The following ZNF568 variants were observed in gnomAD, a reference collection of about 807,000 sequenced individuals.
ZNF568 encodes p53 inhibitor of SCO2 activation.
In ZNF568, 11 loss-of-function variants were observed where a neutral mutation model predicts 18.1. That is an observed-to-expected ratio of 0.61 (90% CI 0.38 to 1.00). ZNF568 has a LOEUF of 1.00. ZNF568 is among the 50% of genes least tolerant of loss of function. ZNF568 has a pLI of 0.01. For synonymous variants in ZNF568, 213 were observed against 246.6 expected (o/e 0.86, Z 1.28); for missense variants, 639 against 768.2 (o/e 0.83, Z 1.99).
rs1347835286 is a variant in ZNF568, at chr19:36,975,787, C to A, written c.405+1321C>A. Among the ~76,000 whole-genome samples the A allele has an allele frequency of 3.5e-5, 5 of 144,110 alleles. 1 individual carries two copies. The South Asian group carries it at 6.6e-4, about 19-fold the overall frequency. The allele number at this position is 144,110 out of a possible 152,430, so 94.5% of individuals were successfully genotyped here. A position where few individuals can be genotyped will look rare whatever the true frequency, so the allele number is the denominator to read the frequency against. On this transcript the variant is annotated intron_variant, in intron 7 of 7. Coordinates refer to the ZNF568 transcript ENST00000427117. ...CTGAGCTCGCTGCAACCTCTGCCTC[C>A]CTGGTTCAAGCAATTCTTCTGCCTC...
downstream of ZNF568, among the ~76,000 whole-genome samples, chr19:36,957,466 A>AGGG (rs2074116774): frequency 6.6e-6 from 1 of 152,098 alleles, no homozygotes; most frequent in Non-Finnish European, 1.5e-5. Context: ...TCCTGACCTC[A>AGGG]GGTGATCCGC....
intron 6 of ZNF568, among the ~76,000 whole-genome samples, chr19:36,965,165 A>G (rs1195152239): frequency 1.3e-5 from 2 of 152,292 alleles, no homozygotes; most frequent in East Asian, 3.9e-4. Context: ...TGCCATTATA[A>G]CAGTATTAAG....
chr19:36,928,470 G>A (rs539687361), intron 4 of ZNF568, among the ~76,000 whole-genome samples: 1 of 152,258 alleles, frequency 6.6e-6, no homozygotes, highest in South Asian at 2.1e-4. Flanking sequence ...CTAGTACCAT[G>A]TTTACTTGTA....
Position 36,923,727 on chromosome 19 carries a change from C to G in ZNF568, c.76+881C>G, listed in dbSNP as rs149345290. ...AGAAAACATCAGGTGGTTTTAACATCTTTTTATGACATCTTACATTCGGTT... is the reference window on the plus strand; with the variant it reads ...AGAAAACATCAGGTGGTTTTAACATGTTTTTATGACATCTTACATTCGGTT... On this transcript the variant is annotated intron_variant, in intron 3 of 6. Transcript: ENST00000333987. Among the ~76,000 whole-genome samples the G allele has an allele frequency of 6.2e-3, 949 of 151,940 alleles. 28 individuals are homozygous for G. The highest frequency in any genetic ancestry group is 0.05 in the East Asian group (257 of 5,176).
At chr19:36,959,355 G>A (rs1256804059) in intron 6 of ZNF568, among the ~76,000 whole-genome samples, 2 of 152,076 alleles carry the variant, frequency 1.3e-5, no homozygotes, top group Non-Finnish European at 2.9e-5. Context: ...CATCCCTGGT[G>A]CAAATCTCAC....
chr19:36,925,407 T>A (rs1195047520), intron 4 of ZNF568, 149 bp downstream of exon 4: 1 of 700,650 alleles, frequency 1.4e-6, no homozygotes, highest in South Asian at 1.9e-5. Context: ...CTGGGGAAAT[T>A]TGAGATATGG....
At chr19:36,927,856 G>C (rs866104006) in intron 4 of ZNF568, among the ~76,000 whole-genome samples, 1 of 31,308 alleles carries the variant, frequency 3.2e-5, no homozygotes, top group African/African-American at 1.9e-4. Flanking sequence ...GTGTGTGTGT[G>C]TGTGTATATA....
At chr19:36,984,189 G>T (rs560790733), downstream of ZNF568, among the ~76,000 whole-genome samples, 1 of 152,032 alleles carries the variant, frequency 6.6e-6, no homozygotes, top group Non-Finnish European at 1.5e-5. Context: ...ATGAGCCACC[G>T]CACCTGGCGA....
At chr19:36,930,149 A>T (rs2073660315) in intron 4 of ZNF568, among the ~76,000 whole-genome samples, 1 of 152,064 alleles carries the variant, frequency 6.6e-6, no homozygotes, top group South Asian at 2.1e-4. Context: ...ATACAGTCAA[A>T]AATTAAAGCA....
chr19:36,978,195 C>T (rs1367842595), intron 7 of ZNF568, among the ~76,000 whole-genome samples: 2 of 152,218 alleles, frequency 1.3e-5, no homozygotes, highest in Non-Finnish European at 2.9e-5. Context: ...AACTCTTTCA[C>T]GTTCATTGCA....
chr19:36,965,704 C>CA (rs1160185126), intron 6 of ZNF568, among the ~76,000 whole-genome samples: 1 of 119,698 alleles, frequency 8.4e-6, no homozygotes, highest in African/African-American at 3.3e-5. Flanking sequence ...TGATCAAGGA[C>CA]TTTTTTTTTT....
chr19:36,960,269 C>A (rs747160508), intron 6 of ZNF568, among the ~76,000 whole-genome samples: 1 of 151,638 alleles, frequency 6.6e-6, no homozygotes, highest in Non-Finnish European at 1.5e-5. Context: ...AGGTGCTCAC[C>A]ACCATGCCCA....
chr19:36,985,515 GTT>G (rs747294738), intron 2 of ZNF568, among the ~76,000 whole-genome samples: 82 of 150,632 alleles, frequency 5.4e-4, no homozygotes, highest in African/African-American at 1.9e-3. Context: ...TTGTTTGTTT[GTT>G]TTGTTTTGTT....
In ZNF568 at chr19:36,949,674, G is replaced by C; in HGVS notation, c.521G>C (p.Ser174Thr). 3 of 1,613,784 alleles carry C rather than the reference G, an allele frequency of 1.9e-6. No individual in the cohort carries two copies. Among genetic ancestry groups the C allele is most frequent in the Non-Finnish European group, 2.5e-6 (3 of 1,179,844 alleles). The change falls in exon 7 of 7, where the codon AGC (serine) becomes ACC (threonine). Residue 174 changes from serine to threonine, a missense_variant. Coordinates refer to ENST00000333987, the MANE Select transcript of ZNF568 (RefSeq NM_198539.4). ...TCAGACATTGTTACTTCAAGACAAA[G>C]CTTCTATGACTGTGACTCACTTGAT... ...LSSDIVTSRQ[S>T]FYDCDSLDKG...
intron 6 of ZNF568, among the ~76,000 whole-genome samples, chr19:36,938,881 C>T (rs117627359): frequency 0.028 from 4,289 of 152,244 alleles, 77 homozygotes; most frequent in South Asian, 0.078. Flanking sequence ...TCAGTTTTTC[C>T]TTTCAGCTTG....
At chr19:36,983,732 A>G (rs1435072174), downstream of ZNF568, among the ~76,000 whole-genome samples, 1 of 152,080 alleles carries the variant, frequency 6.6e-6, no homozygotes, top group South Asian at 2.1e-4. Context: ...TCATTTATGC[A>G]TATGTGTATG....
intron 4 of ZNF568, among the ~76,000 whole-genome samples, chr19:36,933,329 G>A (rs2073720546): frequency 6.6e-6 from 1 of 151,738 alleles, no homozygotes; most frequent in African/African-American, 2.4e-5. Context: ...ATTATGATGT[G>A]GGGGTTTTGT....
At chr19:36,960,364 C>T (rs370118169) in intron 6 of ZNF568, among the ~76,000 whole-genome samples, 11 of 151,972 alleles carry the variant, frequency 7.2e-5, no homozygotes, top group East Asian at 1.9e-4. Flanking sequence ...GTGATCCACC[C>T]GCCTCGGCCT....
intron 6 of ZNF568, among the ~76,000 whole-genome samples, chr19:36,964,111 T>G (rs1023208803): frequency 1.3e-5 from 2 of 151,634 alleles, no homozygotes; most frequent in Non-Finnish European, 1.5e-5. Context: ...TGTTACATAG[T>G]GGGCAGTAAC....
Sources: gnomAD v4.1 joint callset for allele counts (sites outside exome capture counted in the v4.1 genomes callset) on GRCh38, gnomAD v4.1.1 for gene constraint, MANE v1.5 for transcripts, NCBI Gene and HGNC (gene_info 2026-07-23, HGNC 2026-07-21) for gene names.